CDC37L1: variants seen among roughly 807,000 people sequenced by gnomAD.
CDC37L1 encodes cell division cycle 37 like 1, HSP90 cochaperone, also known as hsp90 co-chaperone Cdc37-like 1.
A neutral mutation model predicts 45.9 loss-of-function variants in CDC37L1; 32 were observed. The ratio of observed to expected loss-of-function variants is 0.70; its 90% CI spans 0.53 to 0.94. The LOEUF is 0.94. Ranked by LOEUF, CDC37L1 falls within the 40% of genes least tolerant of loss-of-function variation. The pLI is 0.00. For missense variants in CDC37L1, 434 were observed against 405.7 expected, an observed-to-expected ratio of 1.07 and a Z score of -0.60; for synonymous variants, 150 against 133.0, an observed-to-expected ratio of 1.13 and a Z score of -0.88.
At position 4,688,596 on chromosome 9, in the gene CDC37L1, C is replaced by T. The variant is rs150904056; in HGVS notation, c.498C>T (p.Ile166=). 61 of 1,523,338 alleles carry T rather than the reference C, an allele frequency of 4.0e-5. No individual in the cohort carries two copies. Among genetic ancestry groups the T allele is most frequent in the Non-Finnish European group, 5.2e-5 (58 of 1,124,716 alleles). The allele number at this position is 1,523,338 out of a possible 1,614,324, so 94.4% of individuals were successfully genotyped here. Residue 166 remains isoleucine (I), a synonymous_variant, in exon 3 of 7, where the codon ATC becomes ATT. Transcript: ENST00000381854. ...ESFMQKYEQK[I]RHFGMLSRWD... is the part of the protein sequence containing the mutation. ...TTATGCAAAAATATGAGCAAAAAAT[C>T]AGACATTTTGGTAAGTCTACTACTT...
At chr9:4,687,063 A>T (rs1587616557) in intron 2 of CDC37L1, among the ~76,000 whole-genome samples, 1 of 152,162 alleles carries the variant, frequency 6.6e-6, no homozygotes, top group Non-Finnish European at 1.5e-5. Context: ...TTGTATTTCT[A>T]TTGGACAGTG....
chr9:4,690,501 T>A (rs1841290536), intron 3 of CDC37L1, among the ~76,000 whole-genome samples: 1 of 151,544 alleles, frequency 6.6e-6, no homozygotes, highest in African/African-American at 2.4e-5. Flanking sequence ...GAGGGGAGAG[T>A]CTACACTGTC....
intron 1 of CDC37L1, among the ~76,000 whole-genome samples, chr9:4,680,671 A>C (rs191754094): frequency 6.6e-6 from 1 of 152,330 alleles, no homozygotes; most frequent in East Asian, 1.9e-4. Context: ...ACATACTCGC[A>C]TCACCTTGTC....
At chr9:4,697,357 A>C (rs557267727) in intron 4 of CDC37L1, 146 bp downstream of exon 4, 1 of 610,332 alleles carries the variant, frequency 1.6e-6, no homozygotes, top group Non-Finnish European at 2.9e-6. Context: ...TTTTGCTTCC[A>C]GATCTACTTG....
chr9:4,704,460 A>G (rs540667784), intron 6 of CDC37L1, among the ~76,000 whole-genome samples: 1 of 152,136 alleles, frequency 6.6e-6, no homozygotes, highest in South Asian at 2.1e-4. Flanking sequence ...TTATTTTTTA[A>G]AGTCTCTGTA....
chr9:4,680,030 G>A (rs924118506), intron 1 of CDC37L1, 131 bp downstream of exon 1: 5 of 1,193,948 alleles, frequency 4.2e-6, no homozygotes, highest in South Asian at 3.1e-5. Context: ...CGGGGACCTG[G>A]GACCTGACGC....
At chr9:4,695,331 G>A (rs370785742) in intron 3 of CDC37L1, among the ~76,000 whole-genome samples, 2 of 152,000 alleles carry the variant, frequency 1.3e-5, no homozygotes, top group Admixed American at 6.5e-5. Context: ...ATTACACCAC[G>A]CCTAGCAATA....
rs765975391 is a variant in CDC37L1 at position 4,706,439 on chromosome 9, T to C, written c.*327T>C. The stretch of plus-strand genomic sequence containing the variant: ...CAAATGCAATGTTTACAAGAACTGG[T>C]TGATTCTGGGAGGCATCTGCTACAG... On this transcript the variant is annotated 3_prime_UTR_variant, in exon 7 of 7. Transcript: ENST00000381854. 1.1e-5 allele frequency: 2 copies of C among 182,414 alleles called. No individual in the cohort carries two copies. Among genetic ancestry groups the C allele is most frequent in the Non-Finnish European group, 1.2e-5 (1 of 85,774 alleles). 11.3% of individuals were successfully genotyped at this position (182,414 alleles called of 1,614,324 possible).
chr9:4,691,771 T>C (rs1480215381), intron 3 of CDC37L1, among the ~76,000 whole-genome samples: 1 of 152,226 alleles, frequency 6.6e-6, no homozygotes, highest in African/African-American at 2.4e-5. Flanking sequence ...CAATATATCA[T>C]GGACTATTAT....
Position 4,706,650 on chromosome 9 carries a change from C to G in CDC37L1, c.*538C>G, listed in dbSNP as rs1375043518. The G allele has an allele frequency of 6.6e-6, 1 of 152,576 alleles. No individual in the cohort carries two copies. Among genetic ancestry groups the G allele is most frequent in the Non-Finnish European group, 1.5e-5 (1 of 68,032 alleles). 9.5% of individuals were successfully genotyped at this position (152,576 alleles called of 1,614,324 possible). ...GGGGTACAATTTTTAAAAGTCTTAA[C>G]TCTTAAATACTTGACTTTCGGCACC... On this transcript the variant is annotated 3_prime_UTR_variant, in exon 7 of 7. Coordinates refer to ENST00000381854, the MANE Select transcript of CDC37L1 (RefSeq NM_017913.4).
chr9:4,697,288 G>T, intron 4 of CDC37L1, 77 bp downstream of exon 4: 1 of 734,832 alleles, frequency 1.4e-6, no homozygotes. Flanking sequence ...GTTTTGTTTT[G>T]TTTTCTACAT....
intron 2 of CDC37L1, chr9:4,685,556 T>A (rs1414656394): frequency 6.3e-6 from 1 of 158,938 alleles, no homozygotes; most frequent in Non-Finnish European, 1.4e-5. Flanking sequence ...ACCTTCTTTT[T>A]ATAAATGAAG....
At chr9:4,687,014 T>A (rs1841253392) in intron 2 of CDC37L1, among the ~76,000 whole-genome samples, 1 of 152,260 alleles carries the variant, frequency 6.6e-6, no homozygotes, top group African/African-American at 2.4e-5. Flanking sequence ...CTTTTTAACG[T>A]GGCTAATAGA....
chr9:4,689,671 A>G (rs1184313998), intron 3 of CDC37L1, among the ~76,000 whole-genome samples: 1 of 152,256 alleles, frequency 6.6e-6, no homozygotes, highest in African/African-American at 2.4e-5. Flanking sequence ...TATAATGGAA[A>G]AAAAATGAAT....
chr9:4,701,906 G>A lies in CDC37L1; in HGVS notation c.790G>A (p.Glu264Lys). The A allele has an allele frequency of 6.2e-7, 1 of 1,604,382 alleles. No individual in the cohort carries two copies. Among genetic ancestry groups the A allele is most frequent in the Non-Finnish European group, 8.5e-7 (1 of 1,176,268 alleles). Residue 264 changes from glutamate to lysine, a missense_variant, in exon 6 of 7, where the codon GAA becomes AAA. By Grantham distance (56) the Glu-to-Lys change is moderately conservative. Coordinates refer to ENST00000381854, the MANE Select transcript of CDC37L1 (RefSeq NM_017913.4). The part of the protein sequence containing the change: ...GYFEAFKNEL[E>K]AFKSRVRLYS... ...TTTTGAAGCATTCAAAAATGAACTT[G>A]AAGCTTTCAAGTCAAGAGTAAGACT...
chr9:4,690,268 A>G (rs757559331), intron 3 of CDC37L1, among the ~76,000 whole-genome samples: 2 of 152,242 alleles, frequency 1.3e-5, no homozygotes, highest in Admixed American at 6.5e-5. Flanking sequence ...ACTGATTAGA[A>G]GCATGGCAAG....
chr9:4,682,130 A>G (rs1477638716), intron 1 of CDC37L1, among the ~76,000 whole-genome samples: 6 of 149,626 alleles, frequency 4.0e-5, no homozygotes, highest in Admixed American at 1.3e-4. Context: ...CCATATTACC[A>G]TATTACTTTT....
chr9:4,701,841 GT>G (rs71497545), intron 5 of CDC37L1, 22 bp from the exon 6 acceptor site: 671,509 of 1,320,360 alleles, frequency 0.51, 136,899 homozygotes, highest in African/African-American at 0.81. Flanking sequence ...CACAGTCTTT[GT>G]TTTTTTTTTT....
In CDC37L1 at chr9:4,684,878, T is replaced by C; in HGVS notation, c.134T>C (p.Met45Thr). 6.2e-7 allele frequency: 1 copy of C among 1,607,204 alleles called. No individual in the cohort carries two copies. The highest frequency in any genetic ancestry group is 8.5e-7 in the Non-Finnish European group (1 of 1,174,250). Residue 45 changes from methionine to threonine, a missense_variant and splice_region_variant, in exon 2 of 7, where the codon ATG becomes ACG. Physicochemically the swap from Met to Thr is moderately conservative, Grantham distance 81 (BLOSUM62 -1). Coordinates refer to ENST00000381854, the MANE Select transcript of CDC37L1 (RefSeq NM_017913.4). Reference protein sequence around the residue: ...CPQLPGGGAQMYSHGIELACQ... With the variant: ...CPQLPGGGAQTYSHGIELACQ... Reference sequence around the variant, plus strand: ...CTTACAAATATTGTTTTTATCCAGATGTATAGCCATGGAATTGAATTGGCT... The same window carrying C: ...CTTACAAATATTGTTTTTATCCAGACGTATAGCCATGGAATTGAATTGGCT...
Sources: allele counts gnomAD v4.1 joint callset (sites outside exome capture counted in the v4.1 genomes callset), GRCh38; gene constraint gnomAD v4.1.1; transcripts MANE v1.5; gene names NCBI Gene and HGNC (gene_info 2026-07-23, HGNC 2026-07-21).